The following NOS1AP variants were observed in gnomAD, a reference collection of about 807,000 sequenced individuals.
NOS1AP encodes carboxyl-terminal PDZ ligand of neuronal nitric oxide synthase protein.
NOS1AP carries 21 observed loss-of-function variants against 56.2 expected under a neutral mutation model. The ratio of observed to expected loss-of-function variants is 0.37; its 90% CI spans 0.26 to 0.54. The LOEUF is 0.54. NOS1AP is among the 20% of genes least tolerant of loss of function. The pLI, the probability that NOS1AP is intolerant of heterozygous loss-of-function variation, is 0.84. For missense variants in NOS1AP, 522 were observed against 657.8 expected (o/e 0.79, Z 2.26); for synonymous variants, 270 against 274.6 (o/e 0.98, Z 0.17).
intron 2 of NOS1AP, among the ~76,000 whole-genome samples, chr1:162,246,806 G>T (rs1166643879): frequency 6.6e-6 from 1 of 152,112 alleles, no homozygotes; most frequent in African/African-American, 2.4e-5. Flanking sequence ...GTGTTGATGG[G>T]AGACCTGGAC....
intron 2 of NOS1AP, among the ~76,000 whole-genome samples, chr1:162,223,260 C>T (rs1480860294): frequency 2.6e-5 from 4 of 152,190 alleles, no homozygotes; most frequent in Non-Finnish European, 5.9e-5. Flanking sequence ...CTCCCTCCCT[C>T]CCCAAACTTC....
intron 2 of NOS1AP, among the ~76,000 whole-genome samples, chr1:162,272,042 A>G (rs189013121): frequency 3.9e-4 from 60 of 152,114 alleles, no homozygotes; most frequent in African/African-American, 1.2e-3. Context: ...TTGTAGACAC[A>G]GGGTCTCACT....
At chr1:162,329,361 A>AAG (rs112676244) in intron 4 of NOS1AP, among the ~76,000 whole-genome samples, 58,730 of 148,600 alleles carry the variant, frequency 0.4, 13,389 homozygotes, top group Middle Eastern at 0.53. Flanking sequence ...CCAAGAAAAA[A>AAG]AGAGAGAGAG....
chr1:162,365,093 CGTGTGT>C lies in NOS1AP; in HGVS notation c.940-303_940-298del. ...GTGTATATGTGCACGTGTGTGTGTA[CGTGTGT>C]GTGTGTGGCAGGTCTAGAGGGTCGA... On this transcript the variant is annotated intron_variant, in intron 8 of 9. Transcript: ENST00000361897. The C allele has an allele frequency of 4.1e-6, 5 of 1,224,236 alleles. No individual in the cohort carries two copies. The South Asian group carries it at 5.3e-5, about 13-fold the overall frequency. 75.8% of individuals were successfully genotyped at this position (1,224,236 alleles called of 1,614,324 possible). A position where few individuals can be genotyped will look rare whatever the true frequency, so the allele number is the denominator to read the frequency against.
intron 1 of NOS1AP, among the ~76,000 whole-genome samples, chr1:162,139,660 G>A (rs759735645): frequency 6.6e-6 from 1 of 152,170 alleles, no homozygotes; most frequent in Non-Finnish European, 1.5e-5. Context: ...TCTGTGGTAT[G>A]TAATTTGAAT....
At chr1:162,249,881 TC>T (rs1308946906) in intron 2 of NOS1AP, among the ~76,000 whole-genome samples, 6 of 152,186 alleles carry the variant, frequency 3.9e-5, no homozygotes, top group Admixed American at 6.5e-5. Context: ...GGGGACAACT[TC>T]CCTGAAGAAG....
rs969090648 is a variant in NOS1AP at position 162,069,702 on chromosome 1, C to T, written c.-476C>T. 6.6e-6 allele frequency: 1 copy of T among 152,568 alleles called. No individual in the cohort carries two copies. Among genetic ancestry groups the T allele is most frequent in the African/African-American group, 2.4e-5 (1 of 41,386 alleles). 9.5% of individuals were successfully genotyped at this position (152,568 alleles called of 1,614,324 possible). A position where few individuals can be genotyped will look rare whatever the true frequency, so the allele number is the denominator to read the frequency against. On this transcript the variant is annotated 5_prime_UTR_variant, in exon 1 of 10. Coordinates refer to ENST00000361897, the MANE Select transcript of NOS1AP (RefSeq NM_014697.3). ...CCTGGGCCCGCCCCACAGGAGGAGC[C>T]GCTCGCTGGCGGCTGATCCAGCGTC...
At chr1:162,322,854 C>G (rs1459177051) in intron 4 of NOS1AP, among the ~76,000 whole-genome samples, 1 of 152,120 alleles carries the variant, frequency 6.6e-6, no homozygotes, top group Non-Finnish European at 1.5e-5. Context: ...ATAGAGAAAA[C>G]AATAGTAATA....
intron 2 of NOS1AP, among the ~76,000 whole-genome samples, chr1:162,229,404 TG>T (rs1209260294): frequency 2.0e-5 from 3 of 152,232 alleles, no homozygotes; most frequent in Non-Finnish European, 2.9e-5. Context: ...TGTTTTCCTA[TG>T]GCCAATTAGG....
At position 162,357,950 on chromosome 1, in the gene NOS1AP, A is replaced by G. The variant is rs953147000; in HGVS notation, c.939+814A>G. Among the ~76,000 whole-genome samples, 6 of 148,540 alleles carry G rather than the reference A, an allele frequency of 4.0e-5. 1 individual carries two copies. The highest frequency in any genetic ancestry group is 7.6e-5 in the Non-Finnish European group (5 of 65,364). On this transcript the variant is annotated intron_variant, in intron 8 of 9. Transcript: ENST00000361897. ...CAGGGAATGGTGAAGACATTCATTC[A>G]TACCCAAGGCTGAATCCTGAGGCGA... is the stretch of plus-strand genomic sequence containing the variant.
chr1:162,261,519 AG>A lies in NOS1AP; in HGVS notation c.178-25824del, dbSNP rs1446709498. 2.4e-4 allele frequency among the ~76,000 whole-genome samples: 8 copies of A among 32,988 alleles called. 2 individuals are homozygous for A. The highest frequency in any genetic ancestry group is 5.7e-4 in the African/African-American group (6 of 10,538). 21.6% of individuals were successfully genotyped at this position (32,988 alleles called of 152,430 possible). ...GAGAGAGAGAGAGAGAGAGAGAGAG[AG>A]AGAGAGAGAGAGAGAGAGAGAGAGA... On this transcript the variant is annotated intron_variant, in intron 2 of 9. Coordinates refer to ENST00000361897, the MANE Select transcript of NOS1AP (RefSeq NM_014697.3).
chr1:162,303,904 C>CTTT (rs35658165), intron 4 of NOS1AP, among the ~76,000 whole-genome samples: 17 of 110,654 alleles, frequency 1.5e-4, no homozygotes, highest in Admixed American at 5.4e-4. Context: ...TCTGGCTTGT[C>CTTT]TTTTTTTTTT....
At chr1:162,172,337 CTT>C (rs1346402850) in intron 2 of NOS1AP, among the ~76,000 whole-genome samples, 4 of 152,188 alleles carry the variant, frequency 2.6e-5, no homozygotes, top group African/African-American at 7.2e-5. Context: ...AGCATCTTGG[CTT>C]TGTCTGAATT....
At chr1:162,353,325 A>C (rs1657585273) in intron 6 of NOS1AP, among the ~76,000 whole-genome samples, 1 of 152,164 alleles carries the variant, frequency 6.6e-6, no homozygotes, top group Non-Finnish European at 1.5e-5. Flanking sequence ...ATTGCCTGAC[A>C]TGCCGTGGAC....
intron 4 of NOS1AP, among the ~76,000 whole-genome samples, chr1:162,310,720 T>C (rs746808926): frequency 3.9e-5 from 6 of 152,204 alleles, no homozygotes; most frequent in Non-Finnish European, 5.9e-5. Context: ...CCCTTATTCA[T>C]CCTGGTAGAT....
At chr1:162,126,375 A>G (rs2102058068) in intron 1 of NOS1AP, among the ~76,000 whole-genome samples, 1 of 152,168 alleles carries the variant, frequency 6.6e-6, no homozygotes, top group Non-Finnish European at 1.5e-5. Context: ...ATATTTTCTC[A>G]TGTTTAGATT....
intron 1 of NOS1AP, among the ~76,000 whole-genome samples, chr1:162,129,733 A>C (rs962773284): frequency 6.6e-6 from 1 of 152,154 alleles, no homozygotes; most frequent in Non-Finnish European, 1.5e-5. Flanking sequence ...AACTGAATCA[A>C]TCTTCCTAGC....
chr1:162,225,070 G>T (rs1285207019), intron 2 of NOS1AP, among the ~76,000 whole-genome samples: 2 of 152,290 alleles, frequency 1.3e-5, no homozygotes, highest in South Asian at 4.1e-4. Context: ...GGTGATATTT[G>T]CCACTTTTCA....
chr1:162,334,951 A>C (rs1656892963), intron 5 of NOS1AP, among the ~76,000 whole-genome samples: 1 of 152,220 alleles, frequency 6.6e-6, no homozygotes, highest in African/African-American at 2.4e-5. Flanking sequence ...TAAGAGGACC[A>C]TTATGTTATA....
Sources: allele counts gnomAD v4.1 joint callset (sites outside exome capture counted in the v4.1 genomes callset), GRCh38; gene constraint gnomAD v4.1.1; transcripts MANE v1.5; gene names NCBI Gene and HGNC (gene_info 2026-07-23, HGNC 2026-07-21).